CFAP299: variants seen among roughly 807,000 people sequenced by gnomAD.
CFAP299 encodes the protein cilia and flagella associated protein 299.
Under a neutral mutation model 27.0 loss-of-function variants are expected in CFAP299, and 21 were observed. The observed-to-expected ratio is 0.78, with a 90% confidence interval of 0.55 to 1.12. The LOEUF (loss-of-function observed/expected upper bound fraction) is 1.12, where lower values mean the gene tolerates loss of function less well. CFAP299 is among the 50% of genes most tolerant of loss of function. The pLI is 0.00. For synonymous variants in CFAP299, 104 were observed against 98.1 expected, an observed-to-expected ratio of 1.06 and a Z score of -0.36; for missense variants, 310 against 276.6, an observed-to-expected ratio of 1.12 and a Z score of -0.86.
intron 3 of CFAP299, among the ~76,000 whole-genome samples, chr4:80,598,710 ATC>A (rs769314008): frequency 1.3e-5 from 2 of 152,194 alleles, no homozygotes; most frequent in Non-Finnish European, 2.9e-5. Flanking sequence ...ATATCCTAAA[ATC>A]TCTGACTGGT....
intron 3 of CFAP299, among the ~76,000 whole-genome samples, chr4:80,713,028 A>G (rs1265183839): frequency 2.0e-5 from 3 of 152,034 alleles, no homozygotes; most frequent in Non-Finnish European, 4.4e-5. Context: ...TGGTGAGCCA[A>G]TCATTGAGTT....
At chr4:80,420,620 G>A (rs767756153) in intron 2 of CFAP299, among the ~76,000 whole-genome samples, 7 of 151,850 alleles carry the variant, frequency 4.6e-5, no homozygotes, top group Non-Finnish European at 1.0e-4. Flanking sequence ...CAGATTATTT[G>A]TTTTCTTTTT....
intron 4 of CFAP299, among the ~76,000 whole-genome samples, chr4:80,905,989 T>A (rs1356805798): frequency 6.6e-6 from 1 of 152,170 alleles, no homozygotes; most frequent in Non-Finnish European, 1.5e-5. Context: ...TCTTAGCACA[T>A]TCTAGCATTA....
chr4:80,926,086 G>A (rs1280397067), intron 4 of CFAP299, among the ~76,000 whole-genome samples: 2 of 152,046 alleles, frequency 1.3e-5, no homozygotes, highest in South Asian at 2.1e-4. Flanking sequence ...TTAGCTAGAT[G>A]AAAAACAATG....
intron 3 of CFAP299, among the ~76,000 whole-genome samples, chr4:80,661,241 G>T (rs1740827752): frequency 6.6e-6 from 1 of 150,958 alleles, no homozygotes; most frequent in African/African-American, 2.4e-5. Context: ...CAAGAGAATT[G>T]CTTGAACCCA....
chr4:80,953,288 G>A (rs1737877313), intron 5 of CFAP299, among the ~76,000 whole-genome samples: 3 of 151,976 alleles, frequency 2.0e-5, no homozygotes, highest in African/African-American at 4.8e-5. Context: ...TTTAACTGTG[G>A]CACAGTCACA....
chr4:80,552,374 C>T (rs764991407), intron 2 of CFAP299, among the ~76,000 whole-genome samples: 9 of 152,004 alleles, frequency 5.9e-5, no homozygotes, highest in Non-Finnish European at 1.2e-4. Flanking sequence ...ATGTCTTTTC[C>T]GTGGCCTCGA....
intron 4 of CFAP299, among the ~76,000 whole-genome samples, chr4:80,882,107 C>CA (rs1733734047): frequency 6.6e-6 from 1 of 151,972 alleles, no homozygotes; most frequent in African/African-American, 2.4e-5. Flanking sequence ...GAAACTTATG[C>CA]AGCTCTGCCA....
At chr4:80,906,144 G>A (rs1395899411) in intron 4 of CFAP299, among the ~76,000 whole-genome samples, 2 of 151,502 alleles carry the variant, frequency 1.3e-5, no homozygotes, top group Non-Finnish European at 2.9e-5. Context: ...CCATATGGAA[G>A]AAATTAGCCA....
intron 2 of CFAP299, among the ~76,000 whole-genome samples, chr4:80,417,077 A>G (rs1372271811): frequency 1.3e-5 from 2 of 152,206 alleles, no homozygotes; most frequent in African/African-American, 4.8e-5. Flanking sequence ...TGGATTATTC[A>G]TGAAGTTTCT....
chr4:80,431,519 T>C (rs1287682726), intron 2 of CFAP299, among the ~76,000 whole-genome samples: 2 of 151,904 alleles, frequency 1.3e-5, no homozygotes, highest in Non-Finnish European at 2.9e-5. Flanking sequence ...GTTTCTTCTC[T>C]TCTCCCTCGT....
At chr4:80,486,000 G>T (rs751670528) in intron 2 of CFAP299, among the ~76,000 whole-genome samples, 3 of 152,016 alleles carry the variant, frequency 2.0e-5, no homozygotes, top group Non-Finnish European at 4.4e-5. Context: ...TGGCTGCGTT[G>T]CTCAGGCTGG....
chr4:80,430,421 G>A (rs971698529), intron 2 of CFAP299, among the ~76,000 whole-genome samples: 5 of 152,096 alleles, frequency 3.3e-5, no homozygotes, highest in Admixed American at 6.5e-5. Flanking sequence ...TTGACTGTTC[G>A]TTCTCAATTT....
intron 3 of CFAP299, among the ~76,000 whole-genome samples, chr4:80,663,461 G>GA (rs914250313): frequency 1.3e-5 from 2 of 152,146 alleles, no homozygotes; most frequent in African/African-American, 4.8e-5. Context: ...CAAAGGACAT[G>GA]AACTCATCCT....
chr4:80,931,720 GCACACACA>G (rs148245575), intron 4 of CFAP299, among the ~76,000 whole-genome samples: 10 of 147,872 alleles, frequency 6.8e-5, no homozygotes, highest in African/African-American at 1.5e-4. Flanking sequence ...TAACATGCAC[GCACACACA>G]CACACACACA....
chr4:80,431,162 T>C (rs1299842237), intron 2 of CFAP299, among the ~76,000 whole-genome samples: 1 of 152,216 alleles, frequency 6.6e-6, no homozygotes, highest in African/African-American at 2.4e-5. Flanking sequence ...TATTGCTACC[T>C]CCTTCCTCTA....
At chr4:80,650,035 T>C (rs916789359) in intron 3 of CFAP299, among the ~76,000 whole-genome samples, 3 of 152,080 alleles carry the variant, frequency 2.0e-5, no homozygotes, top group African/African-American at 7.2e-5. Flanking sequence ...ACTTTGTAAA[T>C]ATGCAAAATA....
At chr4:80,748,133 C>T (rs1724726599) in intron 3 of CFAP299, among the ~76,000 whole-genome samples, 1 of 152,016 alleles carries the variant, frequency 6.6e-6, no homozygotes, top group African/African-American at 2.4e-5. Context: ...CCTTTATGCC[C>T]ACCTTTTCTT....
intron 3 of CFAP299, among the ~76,000 whole-genome samples, chr4:80,726,311 A>C (rs2110050675): frequency 6.6e-6 from 1 of 152,274 alleles, no homozygotes; most frequent in Admixed American, 6.5e-5. Flanking sequence ...AGATGCCTAT[A>C]ATCTTCAAGT....
Sources: gnomAD v4.1 joint callset for allele counts (sites outside exome capture counted in the v4.1 genomes callset) on GRCh38, gnomAD v4.1.1 for gene constraint, MANE v1.5 for transcripts, NCBI Gene and HGNC (gene_info 2026-07-23, HGNC 2026-07-21) for gene names.